Variants in NRXN3 observed in about 807,000 individuals in gnomAD.
The protein encoded by NRXN3 is neurexin 3, also known as neurexin III.
Under a neutral mutation model 137.6 loss-of-function variants are expected in NRXN3, and 32 were observed. That is an observed-to-expected ratio of 0.23 (90% CI 0.18 to 0.31). The LOEUF (loss-of-function observed/expected upper bound fraction) is 0.31, where lower values mean the gene tolerates loss of function less well. NRXN3 is among the 10% of genes least tolerant of loss of function. NRXN3 has a pLI of 1.00. For missense variants in NRXN3, 1,574 were observed against 2,062.5 expected, an observed-to-expected ratio of 0.76 and a Z score of 4.59; for synonymous variants, 798 against 784.5, an observed-to-expected ratio of 1.02 and a Z score of -0.29.
chr14:78,558,640 T>C (rs890882836), intron 4 of NRXN3, among the ~76,000 whole-genome samples: 1 of 152,226 alleles, frequency 6.6e-6, no homozygotes, highest in African/African-American at 2.4e-5. Context: ...TTGATTAATC[T>C]CATATAATGC....
At chr14:79,759,837 G>A (rs1220823242) in intron 19 of NRXN3, among the ~76,000 whole-genome samples, 1 of 151,544 alleles carries the variant, frequency 6.6e-6, no homozygotes, top group Non-Finnish European at 1.5e-5. Context: ...TGTTTATCTG[G>A]CAATGGAAGT....
chr14:78,504,538 T>C (rs544109236), intron 4 of NRXN3, among the ~76,000 whole-genome samples: 1 of 152,218 alleles, frequency 6.6e-6, no homozygotes, highest in South Asian at 2.1e-4. Flanking sequence ...TGTGTCTCTG[T>C]GTATGGGGAA....
intron 4 of NRXN3, among the ~76,000 whole-genome samples, chr14:78,525,400 T>A (rs1483509106): frequency 6.6e-6 from 1 of 152,186 alleles, no homozygotes; most frequent in East Asian, 1.9e-4. Flanking sequence ...TGTCAGTAGA[T>A]GTTAAGGTTC....
intron 4 of NRXN3, among the ~76,000 whole-genome samples, chr14:78,341,475 G>C (rs1285294222): frequency 6.6e-6 from 1 of 152,160 alleles, no homozygotes; most frequent in Non-Finnish European, 1.5e-5. Flanking sequence ...TACTCAGCTG[G>C]TGTTTTATCA....
intron 16 of NRXN3, among the ~76,000 whole-genome samples, chr14:79,512,117 T>C (rs1038297749): frequency 5.3e-5 from 8 of 152,182 alleles, no homozygotes; most frequent in African/African-American, 1.9e-4. Flanking sequence ...CAGGCTGATC[T>C]TGAACTCCTG....
intron 8 of NRXN3, among the ~76,000 whole-genome samples, chr14:78,722,964 A>G (rs1354649035): frequency 8.5e-5 from 13 of 152,162 alleles, no homozygotes; most frequent in Admixed American, 8.5e-4. Context: ...CAGAAGGAAC[A>G]GATGTATAAA....
intron 19 of NRXN3, among the ~76,000 whole-genome samples, chr14:79,705,888 T>C (rs1045014676): frequency 1.3e-5 from 2 of 152,314 alleles, no homozygotes; most frequent in African/African-American, 4.8e-5. Context: ...AGTTCTAGGA[T>C]GGCAAGATCT....
At chr14:78,580,180 G>A (rs958342434) in intron 4 of NRXN3, among the ~76,000 whole-genome samples, 9 of 152,052 alleles carry the variant, frequency 5.9e-5, no homozygotes, top group African/African-American at 2.2e-4. Flanking sequence ...CACAGAGAAG[G>A]AGCAAGGGAG....
At chr14:78,916,529 T>TC (rs1283841599) in intron 10 of NRXN3, among the ~76,000 whole-genome samples, 1 of 152,096 alleles carries the variant, frequency 6.6e-6, no homozygotes, top group Non-Finnish European at 1.5e-5. Context: ...CCAAAAGCCC[T>TC]TTGTGGGAGT....
chr14:79,271,125 G>C (rs1424688674), intron 15 of NRXN3, among the ~76,000 whole-genome samples: 4 of 152,192 alleles, frequency 2.6e-5, no homozygotes, highest in Non-Finnish European at 5.9e-5. Flanking sequence ...ACTTGAGTCA[G>C]GTGATGTTTG....
chr14:79,444,416 C>T (rs866409968), intron 15 of NRXN3, among the ~76,000 whole-genome samples: 5 of 152,160 alleles, frequency 3.3e-5, no homozygotes, highest in African/African-American at 4.8e-5. Flanking sequence ...TCGGATTTGT[C>T]GCGCTCCCCT....
At chr14:78,992,987 T>A (rs2099521947) in intron 15 of NRXN3, among the ~76,000 whole-genome samples, 1 of 152,190 alleles carries the variant, frequency 6.6e-6, no homozygotes, top group Non-Finnish European at 1.5e-5. Flanking sequence ...ACATTGCTGG[T>A]CACACACTGC....
intron 2 of NRXN3, among the ~76,000 whole-genome samples, chr14:78,246,679 G>A (rs1342438088): frequency 1.3e-5 from 2 of 152,156 alleles, no homozygotes; most frequent in Non-Finnish European, 2.9e-5. Flanking sequence ...AATAACCGTT[G>A]CCTCCACACA....
intron 15 of NRXN3, among the ~76,000 whole-genome samples, chr14:79,246,154 A>T (rs1347172484): frequency 6.6e-6 from 1 of 152,190 alleles, no homozygotes; most frequent in Non-Finnish European, 1.5e-5. Flanking sequence ...CACTTTTCAC[A>T]AAGTAGCATA....
chr14:79,111,801 T>A (rs541027944), intron 15 of NRXN3, among the ~76,000 whole-genome samples: 1 of 151,874 alleles, frequency 6.6e-6, no homozygotes, highest in African/African-American at 2.4e-5. Flanking sequence ...CAATTTCTTG[T>A]ATTATTGTGA....
At chr14:79,359,522 T>C (rs1367594925) in intron 15 of NRXN3, among the ~76,000 whole-genome samples, 2 of 151,978 alleles carry the variant, frequency 1.3e-5, no homozygotes, top group African/African-American at 4.8e-5. Flanking sequence ...CCTATATTAA[T>C]TTCATTGGAG....
intron 15 of NRXN3, among the ~76,000 whole-genome samples, chr14:79,407,314 C>T (rs2095333599): frequency 1.3e-5 from 2 of 152,054 alleles, no homozygotes; most frequent in African/African-American, 4.8e-5. Flanking sequence ...TAGATATAAT[C>T]ATTATTATTT....
intron 4 of NRXN3, among the ~76,000 whole-genome samples, chr14:78,391,896 A>G (rs1410902956): frequency 1.3e-5 from 2 of 152,254 alleles, no homozygotes; most frequent in Admixed American, 1.3e-4. Context: ...TCACCTTCTC[A>G]GAATGGAAGG....
At chr14:79,799,128 G>A (rs1002341599) in intron 19 of NRXN3, among the ~76,000 whole-genome samples, 3 of 152,094 alleles carry the variant, frequency 2.0e-5, no homozygotes, top group Admixed American at 2.0e-4. Context: ...AATACATAGG[G>A]CTCCTGCCAG....
Sources: allele counts gnomAD v4.1 joint callset (sites outside exome capture counted in the v4.1 genomes callset), GRCh38; gene constraint gnomAD v4.1.1; transcripts MANE v1.5; gene names NCBI Gene and HGNC (gene_info 2026-07-23, HGNC 2026-07-21).